GLIS3: variants seen among roughly 807,000 people sequenced by gnomAD.
GLIS3 encodes GLIS family zinc finger 3, also known as zinc finger protein GLIS3.
GLIS3 carries 53 observed loss-of-function variants against 78.6 expected under a neutral mutation model. The ratio of observed to expected loss-of-function variants is 0.67; its 90% CI spans 0.54 to 0.85. The LOEUF (loss-of-function observed/expected upper bound fraction) is 0.85. Among genes scored for constraint, GLIS3 ranks in the 40% least tolerant of loss-of-function variants. The probability of loss-of-function intolerance (pLI) is 0.00; values close to 1 mark genes in which losing one functional copy is unlikely to be tolerated. For synonymous variants in GLIS3, 684 were observed against 509.9 expected (o/e 1.34, Z -4.60); for missense variants, 1,703 against 1,231.1 (o/e 1.38, Z -5.74).
intron 4 of GLIS3, among the ~76,000 whole-genome samples, chr9:4,094,797 C>A (rs977976513): frequency 6.6e-6 from 1 of 152,166 alleles, no homozygotes; most frequent in Admixed American, 6.5e-5. Flanking sequence ...AATGTAGCCA[C>A]TTGAAGTTAT....
intron 2 of GLIS3, among the ~76,000 whole-genome samples, chr9:4,184,581 T>C (rs986093234): frequency 1.3e-5 from 2 of 152,180 alleles, no homozygotes; most frequent in African/African-American, 2.4e-5. Flanking sequence ...GCATGATCAA[T>C]GTGTTTGCTT....
chr9:4,365,674 C>T, the GLIS3 span, among the ~76,000 whole-genome samples: 6 of 152,330 alleles, frequency 3.9e-5, no homozygotes, highest in South Asian at 1.0e-3. Flanking sequence ...ACTCAGAAAA[C>T]GTCATCTGAA....
At position 4,125,835 on chromosome 9, in the gene GLIS3, T is replaced by C. The variant is rs1564087933; in HGVS notation, c.495A>G (p.Ser165=). 10 of 1,613,892 alleles carry C rather than the reference T, an allele frequency of 6.2e-6. No individual in the cohort carries two copies. The highest frequency in any genetic ancestry group is 7.6e-6 in the Non-Finnish European group (9 of 1,179,962). The change falls in exon 3 of 11, where the codon TCA becomes TCG. Residue 165 remains serine (S), a synonymous_variant. Transcript: ENST00000381971. The part of the protein sequence containing the change: ...PMMVQRLGLI[S]PPASQVSTAC... ...CTGTAGAGACCTGGCTTGCTGGAGG[T>C]GAAATGAGTCCCAGTCGCTGAACCA...
intron 2 of GLIS3, among the ~76,000 whole-genome samples, chr9:4,192,271 G>A (rs1164599916): frequency 6.6e-6 from 1 of 152,150 alleles, no homozygotes; most frequent in Non-Finnish European, 1.5e-5. Flanking sequence ...ATGTCTTTTA[G>A]AGTTTCTTGA....
At chr9:3,888,916 T>G (rs957599779) in intron 7 of GLIS3, among the ~76,000 whole-genome samples, 5 of 152,208 alleles carry the variant, frequency 3.3e-5, no homozygotes. Context: ...TTGTTGCTGC[T>G]AGAAAATATA....
chr9:4,027,850 G>C (rs1025439621), intron 4 of GLIS3, among the ~76,000 whole-genome samples: 1 of 152,142 alleles, frequency 6.6e-6, no homozygotes, highest in African/African-American at 2.4e-5. Flanking sequence ...GGAGAGGTAC[G>C]CTCCAGCTAA....
intron 10 of GLIS3, 151 bp downstream of exon 10, chr9:3,829,159 A>T: frequency 1.5e-6 from 1 of 672,328 alleles, no homozygotes; most frequent in Non-Finnish European, 2.7e-6. Context: ...CTGGAGGGGA[A>T]GGTGGAGATG....
chr9:4,422,010 C>T, the GLIS3 span, among the ~76,000 whole-genome samples: 3 of 152,214 alleles, frequency 2.0e-5, no homozygotes, highest in Non-Finnish European at 2.9e-5. Context: ...AAAAAAGGTC[C>T]TGTGCCTCTG....
At chr9:3,882,110 G>T (rs1380129187) in intron 7 of GLIS3, among the ~76,000 whole-genome samples, 1 of 152,132 alleles carries the variant, frequency 6.6e-6, no homozygotes, top group African/African-American at 2.4e-5. Flanking sequence ...CCTATCATTT[G>T]GCAGACATGA....
intron 2 of GLIS3, among the ~76,000 whole-genome samples, chr9:4,339,867 G>C (rs1156814171): frequency 4.5e-5 from 3 of 67,250 alleles, no homozygotes; most frequent in Non-Finnish European, 9.2e-5. Context: ...AGGGGTGGGG[G>C]AGGGGAGGGG....
chr9:4,290,773 G>C (rs1473498338), intron 1 of GLIS3, among the ~76,000 whole-genome samples: 1 of 152,100 alleles, frequency 6.6e-6, no homozygotes, highest in Non-Finnish European at 1.5e-5. Flanking sequence ...AGCTATATTA[G>C]ATGTCACCAA....
At chr9:4,173,961 T>C (rs192404304) in intron 2 of GLIS3, among the ~76,000 whole-genome samples, 49 of 151,986 alleles carry the variant, frequency 3.2e-4, no homozygotes, top group African/African-American at 1.1e-3. Flanking sequence ...CATTTCTATA[T>C]AGAAAAATAA....
At chr9:4,108,567 T>C (rs1045122943) in intron 4 of GLIS3, among the ~76,000 whole-genome samples, 1 of 152,198 alleles carries the variant, frequency 6.6e-6, no homozygotes, top group Non-Finnish European at 1.5e-5. Context: ...CCATTTGCTT[T>C]TCTGGGCAAT....
chr9:4,048,548 G>A (rs1184290851), intron 4 of GLIS3, among the ~76,000 whole-genome samples: 1 of 152,176 alleles, frequency 6.6e-6, no homozygotes, highest in Non-Finnish European at 1.5e-5. Flanking sequence ...GTATTCAACT[G>A]TGTGCTTATT....
chr9:4,236,230 AAAAG>A (rs2131381403), intron 2 of GLIS3, among the ~76,000 whole-genome samples: 1 of 151,520 alleles, frequency 6.6e-6, no homozygotes, highest in East Asian at 1.9e-4. Flanking sequence ...GAAAGGAAAA[AAAAG>A]AAAAACTAGA....
chr9:4,066,557 G>A (rs1827115541), intron 4 of GLIS3, among the ~76,000 whole-genome samples: 1 of 152,156 alleles, frequency 6.6e-6, no homozygotes, highest in African/African-American at 2.4e-5. Flanking sequence ...ATGTAAAACT[G>A]TACTAAAACT....
chr9:4,259,480 T>C lies in GLIS3; in HGVS notation c.388+26558A>G, dbSNP rs560459803. Among the ~76,000 whole-genome samples, 29 of 152,210 alleles carry C rather than the reference T, an allele frequency of 1.9e-4. 1 individual carries two copies. Among genetic ancestry groups the C allele is most frequent in the Admixed American group, 1.4e-3 (21 of 15,278 alleles). On this transcript the variant is annotated intron_variant, in intron 2 of 10. Transcript: ENST00000381971. ...GAAGTTAGGGGTGGGGGAACTAAGA[T>C]GGGAGGAGTTTAAGTTGACTATATT...
chr9:4,296,987 A>C lies in GLIS3; in HGVS notation c.-99+2434T>G, dbSNP rs139064990. ...TTCAAACTTTCTCAGAACGACCTTC[A>C]TCGTGGCGGATTCTTTTTCTGCAAA... On this transcript the variant is annotated intron_variant, in intron 1 of 10. Transcript: ENST00000381971. 1.8e-3 allele frequency among the ~76,000 whole-genome samples: 276 copies of C among 151,792 alleles called. 11 individuals are homozygous for C. In the East Asian group the frequency reaches 0.042, roughly 23 times the overall value.
chr9:4,449,453 T>A, the GLIS3 span, among the ~76,000 whole-genome samples: 1 of 152,184 alleles, frequency 6.6e-6, no homozygotes, highest in Non-Finnish European at 1.5e-5. Context: ...GTCTGACATC[T>A]CTGAAGAGAG....
Sources: allele counts gnomAD v4.1 joint callset (sites outside exome capture counted in the v4.1 genomes callset), GRCh38; gene constraint gnomAD v4.1.1; transcripts MANE v1.5; gene names NCBI Gene and HGNC (gene_info 2026-07-23, HGNC 2026-07-21).